Variants in TOP2B observed in about 807,000 individuals in gnomAD.
TOP2B encodes DNA topoisomerase II beta.
Under a neutral mutation model 193.5 loss-of-function variants are expected in TOP2B, and 51 were observed. That is an observed-to-expected ratio of 0.26 (90% CI 0.21 to 0.33). The LOEUF (loss-of-function observed/expected upper bound fraction) is 0.33. Among genes scored for constraint, TOP2B ranks in the 10% least tolerant of loss-of-function variants. The pLI, the probability that TOP2B is intolerant of heterozygous loss-of-function variation, is 1.00. For missense variants in TOP2B, 1,378 were observed against 1,909.3 expected (o/e 0.72, Z 5.19); for synonymous variants, 634 against 635.7 (o/e 1.00, Z 0.04).
chr3:25,630,698 A>C, intron 11 of TOP2B, 103 bp downstream of exon 11: 1 of 1,141,988 alleles, frequency 8.8e-7, no homozygotes, highest in Non-Finnish European at 1.2e-6. Flanking sequence ...TCATACTCTG[A>C]ATGGAAAATC....
At chr3:25,644,015 T>G (rs1382632167) in intron 2 of TOP2B, among the ~76,000 whole-genome samples, 1 of 152,046 alleles carries the variant, frequency 6.6e-6, no homozygotes, top group East Asian at 1.9e-4. Flanking sequence ...TCAGTTTTAA[T>G]GTAAGACATC....
chr3:25,598,809 G>A (rs933388414), intron 35 of TOP2B, among the ~76,000 whole-genome samples: 3 of 152,146 alleles, frequency 2.0e-5, no homozygotes, highest in Admixed American at 1.3e-4. Flanking sequence ...CTACTGGTAA[G>A]TACATATCAA....
chr3:25,609,680 T>C lies in TOP2B; in HGVS notation c.3819A>G (p.Glu1273=). 1 of 1,519,326 alleles carries C rather than the reference T, an allele frequency of 6.6e-7. No homozygotes were observed. The highest frequency in any genetic ancestry group is 1.3e-5 in the South Asian group (1 of 77,490). 94.1% of individuals were successfully genotyped at this position (1,519,326 alleles called of 1,614,324 possible). The part of the protein sequence containing the change: ...GDLDTAAVKV[E]FDEEFSGAPV... ...GTGCTCCACTGAATTCTTCATCAAA[T>C]TCCACTTTTACTGCTGCAGTATCAA... The change falls in exon 29 of 36, where the codon GAA becomes GAG. Residue 1273 remains glutamate, a synonymous_variant. Coordinates refer to ENST00000264331, the MANE Select transcript of TOP2B (RefSeq NM_001330700.2).
Position 25,664,429 on chromosome 3 carries a change from C to T in TOP2B, c.-132G>A. ...TCCTAGCCGCGCCGACCCCCGCGCCCCATCGCGAAGATCCGGAGCGGACGT... is the reference window on the plus strand; with the variant it reads ...TCCTAGCCGCGCCGACCCCCGCGCCTCATCGCGAAGATCCGGAGCGGACGT... On this transcript the variant is annotated 5_prime_UTR_variant, in exon 1 of 36. Coordinates refer to ENST00000264331, the MANE Select transcript of TOP2B (RefSeq NM_001330700.2). 10 of 1,266,352 alleles carry T rather than the reference C, an allele frequency of 7.9e-6. No homozygotes were observed. Among genetic ancestry groups the T allele is most frequent in the Non-Finnish European group, 9.9e-6 (10 of 1,010,546 alleles). The allele number at this position is 1,266,352 out of a possible 1,614,324, so 78.4% of individuals were successfully genotyped here. A position where few individuals can be genotyped will look rare whatever the true frequency, so the allele number is the denominator to read the frequency against.
In TOP2B at chr3:25,601,191, C is replaced by T. The variant is rs772365927; in HGVS notation, c.4524G>A (p.Lys1508=). Residue 1508 remains lysine (K), a synonymous_variant, in exon 34 of 36, where the codon AAG becomes AAA. Coordinates refer to ENST00000264331, the MANE Select transcript of TOP2B (RefSeq NM_001330700.2). ...CTACTTTCTTCTGTTTTGGGGCTCT[C>T]TTGGGCTTAGGGACTGTATCTGAAG... ...KPSSDTVPKP[K]RAPKQKKVVE... 1 of 1,613,728 alleles carries T rather than the reference C, an allele frequency of 6.2e-7. No homozygotes were observed. The highest frequency in any genetic ancestry group is 1.7e-5 in the Admixed American group (1 of 60,000).
At chr3:25,637,887 A>G (rs964600535) in intron 5 of TOP2B, among the ~76,000 whole-genome samples, 1 of 152,062 alleles carries the variant, frequency 6.6e-6, no homozygotes, top group Non-Finnish European at 1.5e-5. Flanking sequence ...AAATTTATAT[A>G]CATAGACATC....
At chr3:25,619,679 T>C (rs920831493) in intron 23 of TOP2B, among the ~76,000 whole-genome samples, 183 bp downstream of exon 23, 3 of 144,676 alleles carry the variant, frequency 2.1e-5, no homozygotes, top group South Asian at 2.1e-4. Context: ...ATAAGGGTAG[T>C]GGACAATACT....
chr3:25,610,416 A>G (rs1185892433), intron 28 of TOP2B, among the ~76,000 whole-genome samples: 2 of 152,210 alleles, frequency 1.3e-5, no homozygotes, highest in Non-Finnish European at 2.9e-5. Context: ...GGCAGGGTCA[A>G]AAAAGTCTCC....
chr3:25,610,242 G>C (rs1702335025), intron 28 of TOP2B, among the ~76,000 whole-genome samples: 1 of 151,878 alleles, frequency 6.6e-6, no homozygotes, highest in East Asian at 1.9e-4. Flanking sequence ...GTCTTGCACT[G>C]CTAGGCACTG....
At chr3:25,657,787 C>T (rs144289890) in intron 1 of TOP2B, among the ~76,000 whole-genome samples, 2 of 152,102 alleles carry the variant, frequency 1.3e-5, no homozygotes, top group African/African-American at 2.4e-5. Context: ...ACCGGCTGGG[C>T]GCGGTGGCTG....
At chr3:25,647,373 C>T (rs760512657) in intron 1 of TOP2B, among the ~76,000 whole-genome samples, 1 of 152,084 alleles carries the variant, frequency 6.6e-6, no homozygotes, top group Non-Finnish European at 1.5e-5. Flanking sequence ...AAGATAGATG[C>T]TATGGAATCG....
At chr3:25,648,465 C>T (rs898017823) in intron 1 of TOP2B, among the ~76,000 whole-genome samples, 4 of 152,114 alleles carry the variant, frequency 2.6e-5, no homozygotes, top group African/African-American at 4.8e-5. Context: ...GAAACCAGAC[C>T]GCAAAGACCA....
Position 25,636,123 on chromosome 3 carries a change from G to A in TOP2B, c.665C>T (p.Thr222Ile), listed in dbSNP as rs754560171. 6.3e-7 allele frequency: 1 copy of A among 1,595,936 alleles called. No homozygotes were observed. Among genetic ancestry groups the A allele is most frequent in the Non-Finnish European group, 8.5e-7 (1 of 1,169,770 alleles). Residue 222 changes from threonine (T) to isoleucine (I), a missense_variant, in exon 7 of 36, where the codon ACT becomes ATT. Thr to Ile is a moderately conservative substitution (Grantham distance 89, BLOSUM62 -1). This residue lies in a region of TOP2B where 222 missense variants were observed against 306.6 expected (regional missense o/e 0.72). Coordinates refer to ENST00000264331, the MANE Select transcript of TOP2B (RefSeq NM_001330700.2). ...AAAATGTTTAATTTTGGCTTCAGAA[G>A]TCTTCATCATATTATTCATCCATGT... The part of the protein sequence containing the change: ...KQTWMNNMMK[T>I]SEAKIKHFDG...
intron 33 of TOP2B, 94 bp downstream of exon 33, chr3:25,604,666 T>A: frequency 9.3e-7 from 1 of 1,075,908 alleles, no homozygotes; most frequent in Non-Finnish European, 1.4e-6. Context: ...TGTTTTATGA[T>A]AAAAAAATGC....
intron 1 of TOP2B, among the ~76,000 whole-genome samples, chr3:25,652,915 GAAAA>G (rs368739890): frequency 6.6e-6 from 1 of 150,520 alleles, no homozygotes; most frequent in East Asian, 1.9e-4. Flanking sequence ...GATTACATAA[GAAAA>G]AAAAGAGATA....
intron 1 of TOP2B, among the ~76,000 whole-genome samples, chr3:25,650,214 C>G (rs559379352): frequency 3.3e-4 from 51 of 152,276 alleles, no homozygotes; most frequent in African/African-American, 1.2e-3. Context: ...TGAAGCTTTC[C>G]TGGGGATTTT....
chr3:25,644,621 A>G (rs1188331305), intron 2 of TOP2B, among the ~76,000 whole-genome samples: 1 of 148,570 alleles, frequency 6.7e-6, no homozygotes, highest in African/African-American at 2.5e-5. Context: ...GAATCGTTTG[A>G]ACCCAGGAGG....
In TOP2B at chr3:25,609,773, A is replaced by G. The variant is rs1301547019; in HGVS notation, c.3787-61T>C. ...AATAAAAACATCACATATTTTAGAGATAGTTTCAATCAACAGATAGCGCCT... is the reference window on the plus strand; with the variant it reads ...AATAAAAACATCACATATTTTAGAGGTAGTTTCAATCAACAGATAGCGCCT... On this transcript the variant is annotated intron_variant, in intron 28 of 35. Coordinates refer to ENST00000264331, the MANE Select transcript of TOP2B (RefSeq NM_001330700.2). The G allele has an allele frequency of 4.3e-6, 6 of 1,405,006 alleles. No homozygotes were observed. The African/African-American group carries it at 8.9e-5, about 21-fold the overall frequency. The allele number at this position is 1,405,006 out of a possible 1,614,324, so 87.0% of individuals were successfully genotyped here.
intron 20 of TOP2B, 132 bp from the exon 21 acceptor site, chr3:25,623,878 C>T (rs760710610): frequency 2.5e-5 from 16 of 651,798 alleles, no homozygotes; most frequent in Non-Finnish European, 3.4e-5. Flanking sequence ...ATTTTGATTA[C>T]ATCCGCTTAA....
Sources: gnomAD v4.1 joint callset for allele counts (sites outside exome capture counted in the v4.1 genomes callset) on GRCh38, gnomAD v4.1.1 for gene constraint, gnomAD v4.1.1 regional missense constraint, MANE v1.5 for transcripts, NCBI Gene and HGNC (gene_info 2026-07-23, HGNC 2026-07-21) for gene names.